KCNIP4: variants seen among roughly 807,000 people sequenced by gnomAD.
KCNIP4 encodes the protein Kv channel-interacting protein 4.
In KCNIP4, 12 loss-of-function variants were observed where a neutral mutation model predicts 34.0. That is an observed-to-expected ratio of 0.35 (90% CI 0.23 to 0.57). KCNIP4 has a LOEUF of 0.57. Among genes scored for constraint, KCNIP4 ranks in the 20% least tolerant of loss-of-function variants. The pLI is 0.83. For synonymous variants in KCNIP4, 124 were observed against 102.2 expected (o/e 1.21, Z -1.29); for missense variants, 238 against 311.7 (o/e 0.76, Z 1.78).
chr4:21,909,664 G>GT (rs1728191017), intron 1 of KCNIP4, among the ~76,000 whole-genome samples: 2 of 152,126 alleles, frequency 1.3e-5, no homozygotes, highest in East Asian at 1.9e-4. Context: ...GTATTAGTTT[G>GT]TTTTCATGCT....
chr4:21,186,724 G>A (rs748032525), intron 1 of KCNIP4, among the ~76,000 whole-genome samples: 2 of 152,052 alleles, frequency 1.3e-5, no homozygotes, highest in Non-Finnish European at 2.9e-5. Context: ...ATCTCACAGC[G>A]GCCTTCACCT....
At chr4:21,508,450 C>T (rs1232455059) in intron 1 of KCNIP4, among the ~76,000 whole-genome samples, 2 of 152,104 alleles carry the variant, frequency 1.3e-5, no homozygotes, top group African/African-American at 4.8e-5. Context: ...CCTCTTCCAC[C>T]AAGTATGAGG....
chr4:21,416,941 T>A (rs901753558), intron 1 of KCNIP4, among the ~76,000 whole-genome samples: 1 of 152,208 alleles, frequency 6.6e-6, no homozygotes, highest in African/African-American at 2.4e-5. Flanking sequence ...GTCATGCTGA[T>A]GAGAGAAAAA....
At chr4:21,576,217 C>T (rs1209454571) in intron 1 of KCNIP4, among the ~76,000 whole-genome samples, 2 of 152,212 alleles carry the variant, frequency 1.3e-5, no homozygotes, top group African/African-American at 2.4e-5. Context: ...TTGTCTCCAA[C>T]TTAAAAACCC....
intron 1 of KCNIP4, among the ~76,000 whole-genome samples, chr4:21,418,585 C>T (rs73249576): frequency 1.3e-5 from 2 of 152,286 alleles, no homozygotes; most frequent in African/African-American, 2.4e-5. Flanking sequence ...GTCCCTGCAT[C>T]GCTCTGGAGA....
intron 1 of KCNIP4, among the ~76,000 whole-genome samples, chr4:21,512,391 T>C (rs1322095686): frequency 6.6e-6 from 1 of 152,218 alleles, no homozygotes; most frequent in Non-Finnish European, 1.5e-5. Context: ...ATCTTTTGTC[T>C]GAAAGGTTTT....
chr4:21,035,551 G>A (rs1333592269), intron 1 of KCNIP4, among the ~76,000 whole-genome samples: 1 of 152,152 alleles, frequency 6.6e-6, no homozygotes, highest in Non-Finnish European at 1.5e-5. Context: ...TGCTGGTGAG[G>A]TCTAGCCATT....
chr4:21,886,917 C>A (rs761398212), intron 1 of KCNIP4, among the ~76,000 whole-genome samples: 1 of 151,936 alleles, frequency 6.6e-6, no homozygotes. Context: ...AGAGTGTGAG[C>A]GTTCATTTGA....
intron 1 of KCNIP4, among the ~76,000 whole-genome samples, chr4:21,265,790 G>T (rs1182972480): frequency 6.6e-6 from 1 of 152,126 alleles, no homozygotes; most frequent in Non-Finnish European, 1.5e-5. Context: ...GTTTGTTTCT[G>T]ACTTTTGAAC....
intron 1 of KCNIP4, among the ~76,000 whole-genome samples, chr4:21,174,796 T>G (rs900137347): frequency 2.0e-5 from 3 of 151,724 alleles, no homozygotes; most frequent in African/African-American, 7.3e-5. Flanking sequence ...TCCCAGCTAC[T>G]TGGGAGGCTG....
chr4:21,241,812 G>A lies in KCNIP4; in HGVS notation c.62-359103C>T, dbSNP rs1371577711. On this transcript the variant is annotated intron_variant, in intron 1 of 8. Transcript: ENST00000382152. ...TCTTGGATTTGCTATCAAAAGTGGT[G>A]TGGAATATTTATCCGCAAAAACTGC... 2.0e-5 allele frequency among the ~76,000 whole-genome samples: 3 copies of A among 152,120 alleles called. No individual in the cohort carries two copies. In the East Asian group the frequency reaches 5.8e-4, roughly 29 times the overall value.
intron 3 of KCNIP4, among the ~76,000 whole-genome samples, chr4:20,783,893 T>G (rs1355056293): frequency 6.6e-6 from 1 of 152,174 alleles, no homozygotes. Flanking sequence ...CAGCACTGTT[T>G]TTTGTTTGGT....
In KCNIP4 at chr4:21,467,072, A is replaced by AC. The variant is rs1491537505; in HGVS notation, c.61+481498_61+481499insG. ...AAACCAAACCAAACCAAACCAAAAC[A>AC]AACACACACACACACACACACACAC... is the stretch of plus-strand genomic sequence containing the variant. On this transcript the variant is annotated intron_variant, in intron 1 of 8. Coordinates refer to ENST00000382152, the MANE Select transcript of KCNIP4 (RefSeq NM_025221.6). Among the ~76,000 whole-genome samples the AC allele has an allele frequency of 9.4e-3, 987 of 105,444 alleles. 5 individuals carry two copies. The highest frequency in any genetic ancestry group is 0.014 in the Non-Finnish European group (744 of 52,516). 69.2% of individuals were successfully genotyped at this position (105,444 alleles called of 152,430 possible).
intron 1 of KCNIP4, among the ~76,000 whole-genome samples, chr4:21,755,214 T>TA (rs1259014324): frequency 6.6e-6 from 1 of 152,166 alleles, no homozygotes; most frequent in African/African-American, 2.4e-5. Context: ...TCTCTGCCAG[T>TA]AGTTATTCAT....
intron 3 of KCNIP4, chr4:20,767,218 T>C (rs1170225709): frequency 1.1e-4 from 17 of 152,160 alleles, no homozygotes; most frequent in Admixed American, 1.1e-3. Context: ...TTATGAAGTA[T>C]ATATGAATTA....
chr4:21,326,503 G>A (rs1287833695), intron 1 of KCNIP4, among the ~76,000 whole-genome samples: 1 of 151,060 alleles, frequency 6.6e-6, no homozygotes, highest in Non-Finnish European at 1.5e-5. Flanking sequence ...TACAGGTGAA[G>A]TGTGTATCTT....
intron 1 of KCNIP4, among the ~76,000 whole-genome samples, chr4:21,641,116 C>T (rs1356010035): frequency 6.6e-6 from 1 of 152,212 alleles, no homozygotes; most frequent in Non-Finnish European, 1.5e-5. Context: ...TACACAACAG[C>T]ATTCCTTCAT....
At chr4:21,691,946 C>T (rs1035561304) in intron 1 of KCNIP4, among the ~76,000 whole-genome samples, 1 of 152,060 alleles carries the variant, frequency 6.6e-6, no homozygotes, top group African/African-American at 2.4e-5. Context: ...GATCCACCCA[C>T]CTCAGCCTCC....
chr4:21,711,773 T>C (rs1713748746), intron 1 of KCNIP4, among the ~76,000 whole-genome samples: 1 of 152,154 alleles, frequency 6.6e-6, no homozygotes, highest in Non-Finnish European at 1.5e-5. Context: ...CCCTGAGCAG[T>C]TCCAGGACTG....
Sources: gnomAD v4.1 joint callset for allele counts (sites outside exome capture counted in the v4.1 genomes callset) on GRCh38, gnomAD v4.1.1 for gene constraint, MANE v1.5 for transcripts, NCBI Gene and HGNC (gene_info 2026-07-23, HGNC 2026-07-21) for gene names.